Variants in GALNT13 observed in about 807,000 individuals in gnomAD.
The protein encoded by GALNT13 is UDP-GalNAc:polypeptide N-acetylgalactosaminyltransferase 13.
A neutral mutation model predicts 64.2 loss-of-function variants in GALNT13; 28 were observed. That is an observed-to-expected ratio of 0.44 (90% CI 0.32 to 0.60). GALNT13 has a LOEUF of 0.60. Among genes scored for constraint, GALNT13 ranks in the 20% least tolerant of loss-of-function variants. GALNT13 has a pLI of 0.05. For synonymous variants in GALNT13, 214 were observed against 224.6 expected (o/e 0.95, Z 0.42); for missense variants, 577 against 669.8 (o/e 0.86, Z 1.53).
At chr2:154,367,371 C>A (rs1257101143) in intron 9 of GALNT13, among the ~76,000 whole-genome samples, 1 of 152,094 alleles carries the variant, frequency 6.6e-6, no homozygotes, top group Non-Finnish European at 1.5e-5. Context: ...CAGAAGTAGG[C>A]CAGGCAGTAG....
chr2:154,401,602 T>C (rs2194378), intron 10 of GALNT13, among the ~76,000 whole-genome samples: 99,240 of 151,930 alleles, frequency 0.65, 32,972 homozygotes, highest in Admixed American at 0.73. Flanking sequence ...AAATATTGTA[T>C]TTTTTTAACT....
At chr2:153,510,448 T>C in the GALNT13 span, among the ~76,000 whole-genome samples, 2 of 152,182 alleles carry the variant, frequency 1.3e-5, no homozygotes, top group Admixed American at 1.3e-4. Context: ...CTTAAGAAGC[T>C]TGTATTCTAT....
At chr2:153,831,806 T>G in the GALNT13 span, among the ~76,000 whole-genome samples, 15 of 152,282 alleles carry the variant, frequency 9.9e-5, no homozygotes, top group African/African-American at 3.6e-4. Context: ...CTCTCGCTAA[T>G]AACTGGAAGC....
chr2:153,594,002 A>G, the GALNT13 span, among the ~76,000 whole-genome samples: 1 of 152,180 alleles, frequency 6.6e-6, no homozygotes, highest in Non-Finnish European at 1.5e-5. Context: ...CATCATAGAT[A>G]TTCTATACTT....
the GALNT13 span, among the ~76,000 whole-genome samples, chr2:153,637,312 A>C: frequency 1.3e-5 from 2 of 152,184 alleles, no homozygotes; most frequent in African/African-American, 2.4e-5. Context: ...AAGATACTGC[A>C]ATCTATCACA....
At chr2:153,582,716 A>G in the GALNT13 span, among the ~76,000 whole-genome samples, 2 of 152,150 alleles carry the variant, frequency 1.3e-5, no homozygotes, top group South Asian at 4.1e-4. Context: ...ACCCACTATT[A>G]TTCAAAGAGT....
the GALNT13 span, among the ~76,000 whole-genome samples, chr2:153,189,123 C>T: frequency 6.6e-6 from 1 of 152,150 alleles, no homozygotes; most frequent in Non-Finnish European, 1.5e-5. Context: ...TTATCCTTTC[C>T]AGACAGTTTT....
chr2:154,443,162 G>T (rs1268194025), intron 12 of GALNT13, among the ~76,000 whole-genome samples: 1 of 152,004 alleles, frequency 6.6e-6, no homozygotes, highest in East Asian at 1.9e-4. Context: ...AAGGTTGTGT[G>T]CATTACACAG....
chr2:153,575,834 G>A, the GALNT13 span, among the ~76,000 whole-genome samples: 43 of 152,250 alleles, frequency 2.8e-4, no homozygotes, highest in East Asian at 8.4e-3. Flanking sequence ...CCTGCTTGGT[G>A]CTCTACTTTC....
chr2:153,176,773 A>G, the GALNT13 span, among the ~76,000 whole-genome samples: 1 of 110,138 alleles, frequency 9.1e-6, no homozygotes. Flanking sequence ...CTGAGTTTAA[A>G]AAAAAAAAAA....
At chr2:153,457,414 T>C in the GALNT13 span, among the ~76,000 whole-genome samples, 1 of 152,214 alleles carries the variant, frequency 6.6e-6, no homozygotes, top group Non-Finnish European at 1.5e-5. Flanking sequence ...TTTTCTCAAA[T>C]ATCAGAAATG....
the GALNT13 span, among the ~76,000 whole-genome samples, chr2:153,630,587 A>G: frequency 6.7e-6 from 1 of 149,518 alleles, no homozygotes; most frequent in African/African-American, 2.5e-5. Flanking sequence ...AACATGGCAC[A>G]TGTATACATA....
chr2:154,239,557 A>T (rs979093771), intron 4 of GALNT13, among the ~76,000 whole-genome samples: 1 of 152,156 alleles, frequency 6.6e-6, no homozygotes, highest in Admixed American at 6.5e-5. Flanking sequence ...TGACTTTCTA[A>T]GTTTATTTAG....
the GALNT13 span, chr2:153,370,528 C>A: frequency 3.8e-4 from 58 of 152,238 alleles, no homozygotes; most frequent in African/African-American, 1.4e-3. Context: ...CTATCAATAT[C>A]ATGAATGATA....
intron 9 of GALNT13, among the ~76,000 whole-genome samples, chr2:154,364,232 G>A (rs1197514859): frequency 6.6e-6 from 1 of 152,170 alleles, no homozygotes; most frequent in Non-Finnish European, 1.5e-5. Context: ...TTATCTCATG[G>A]AGTTAAAATA....
chr2:153,735,663 G>T, the GALNT13 span, among the ~76,000 whole-genome samples: 19 of 152,058 alleles, frequency 1.2e-4, no homozygotes, highest in African/African-American at 4.1e-4. Flanking sequence ...ATTTGTTGAG[G>T]CTCCTTCAAT....
chr2:154,034,523 T>G (rs1456792346), intron 3 of GALNT13, among the ~76,000 whole-genome samples: 1 of 152,188 alleles, frequency 6.6e-6, no homozygotes, highest in African/African-American at 2.4e-5. Flanking sequence ...GCTTTTAGTA[T>G]AACCATCACT....
chr2:153,252,816 G>A, the GALNT13 span, among the ~76,000 whole-genome samples: 1 of 152,154 alleles, frequency 6.6e-6, no homozygotes, highest in Non-Finnish European at 1.5e-5. Flanking sequence ...GCTCTGTTCT[G>A]TTACATTGGT....
At chr2:153,657,523 A>G in the GALNT13 span, among the ~76,000 whole-genome samples, 1 of 152,126 alleles carries the variant, frequency 6.6e-6, no homozygotes, top group African/African-American at 2.4e-5. Flanking sequence ...AAACAAAGAA[A>G]GACTACATGA....
Sources: allele counts gnomAD v4.1 joint callset (sites outside exome capture counted in the v4.1 genomes callset), GRCh38; gene constraint gnomAD v4.1.1; transcripts MANE v1.5; gene names NCBI Gene and HGNC (gene_info 2026-07-23, HGNC 2026-07-21).